Variants in SYT3 observed in about 807,000 individuals in gnomAD.
SYT3 encodes synaptotagmin-3.
SYT3 carries 25 observed loss-of-function variants against 50.6 expected under a neutral mutation model. The observed-to-expected ratio is 0.49, with a 90% CI of 0.36 to 0.69. The LOEUF is 0.69. Among genes scored for constraint, SYT3 ranks in the 30% least tolerant of loss-of-function variants. The probability of loss-of-function intolerance (pLI) is 0.00; values close to 1 mark genes in which losing one functional copy is unlikely to be tolerated. For missense variants in SYT3, 589 were observed against 793.6 expected (o/e 0.74, Z 3.10); for synonymous variants, 323 against 353.9 (o/e 0.91, Z 0.98).
the SYT3 span, chr19:50,656,006 TGAG>T: frequency 2.6e-6 from 4 of 1,525,156 alleles, no homozygotes; most frequent in South Asian, 2.4e-5. Context: ...GAATCATGGC[TGAG>T]GAGGGCTCAG....
rs1983866947 is a variant in SYT3, at chr19:50,622,010, G to A, written c.*475C>T. 8.8e-6 allele frequency: 1 copy of A among 113,466 alleles called. No homozygotes were observed. The highest frequency in any genetic ancestry group is 1.8e-5 in the Non-Finnish European group (1 of 56,756). The allele number at this position is 113,466 out of a possible 1,614,324, so 7.0% of individuals were successfully genotyped here. On this transcript the variant is annotated 3_prime_UTR_variant, in exon 11 of 11. Coordinates refer to ENST00000600079, the MANE Select transcript of SYT3 (RefSeq NM_001160329.2). ...AGACCCACAGAGTGTGTTTATTCTG[G>A]CGTTGATAGCAGCAGCAGTGGGGGG...
At position 50,628,681 on chromosome 19, in the gene SYT3, G is replaced by T. The variant is rs543309775; in HGVS notation, c.1281+613C>A. ...AAGTTAGGAAGGTAAGAAGTCTGGGGTGAGAGGGGAGAAGTCATGGGGTTG... is the reference window on the plus strand; with the variant it reads ...AAGTTAGGAAGGTAAGAAGTCTGGGTTGAGAGGGGAGAAGTCATGGGGTTG... On this transcript the variant is annotated intron_variant, in intron 6 of 10. Transcript: ENST00000600079. 8.2e-4 allele frequency among the ~76,000 whole-genome samples: 125 copies of T among 152,210 alleles called. 1 individual carries two copies. The highest frequency in any genetic ancestry group is 2.7e-3 in the African/African-American group (112 of 41,530).
chr19:50,656,419 G>C, the SYT3 span: 1 of 1,466,126 alleles, frequency 6.8e-7, no homozygotes, highest in Non-Finnish European at 9.0e-7. Context: ...CTGAGAAGCA[G>C]TGTGGCCAGA....
In SYT3 at chr19:50,632,918, T is replaced by A; in HGVS notation, c.149-107A>T. ...TTCATATTTGCCATGCAATTGTCCA[T>A]GCAATTGCAAGTGCCAGGCACTTTA... On this transcript the variant is annotated intron_variant, in intron 3 of 10. Coordinates refer to ENST00000600079, the MANE Select transcript of SYT3 (RefSeq NM_001160329.2). The surrounding 1 kb of genome is among the most constrained non-coding windows in gnomAD (Gnocchi z 4.7). 1 of 910,964 alleles carries A rather than the reference T, an allele frequency of 1.1e-6. No homozygotes were observed. Among genetic ancestry groups the A allele is most frequent in the Non-Finnish European group, 1.5e-6 (1 of 646,060 alleles). The allele number at this position is 910,964 out of a possible 1,614,324, so 56.4% of individuals were successfully genotyped here. A position where few individuals can be genotyped will look rare whatever the true frequency, so the allele number is the denominator to read the frequency against.
Position 50,625,777 on chromosome 19 carries a change from G to T in SYT3, c.1402+120C>A. 4 of 318,994 alleles carry T rather than the reference G, an allele frequency of 1.3e-5. 2 individuals carry two copies. Among genetic ancestry groups the T allele is most frequent in the Admixed American group, 1.6e-4 (2 of 12,268 alleles). 19.8% of individuals were successfully genotyped at this position (318,994 alleles called of 1,614,324 possible). A position where few individuals can be genotyped will look rare whatever the true frequency, so the allele number is the denominator to read the frequency against. ...CCTGGCCCCTCCTCCCTCAGACCCA[G>T]GAGTCCAGATCCCCAGCTCCTCCTC... On this transcript the variant is annotated intron_variant, in intron 7 of 10. Coordinates refer to ENST00000600079, the MANE Select transcript of SYT3 (RefSeq NM_001160329.2). This position sits in a 1 kb window ranked among gnomAD's most constrained non-coding sequence, Gnocchi z 7.5.
At chr19:50,656,349 G>A in the SYT3 span, 3 of 1,533,810 alleles carry the variant, frequency 2.0e-6, no homozygotes, top group South Asian at 1.2e-5. Context: ...AGACCTTGGT[G>A]AGTGGACCTG....
At chr19:50,657,864 CT>C in the SYT3 span, 8 of 1,285,816 alleles carry the variant, frequency 6.2e-6, no homozygotes, top group Admixed American at 9.3e-5. Context: ...AAGAGCGATC[CT>C]TGCCCCTCAA....
At chr19:50,645,240 C>A in the SYT3 span, among the ~76,000 whole-genome samples, 66 of 152,186 alleles carry the variant, frequency 4.3e-4, no homozygotes, top group African/African-American at 1.5e-3. Flanking sequence ...AGACTGGGCA[C>A]CAGGCCAGGA....
At position 50,629,330 on chromosome 19, in the gene SYT3, G is replaced by A. The variant is rs774702859; in HGVS notation, c.1245C>T (p.Asp415=). The change falls in exon 6 of 11, where the codon GAC becomes GAT. Residue 415 remains aspartate (D), a synonymous_variant. Coordinates refer to ENST00000600079, the MANE Select transcript of SYT3 (RefSeq NM_001160329.2). Reference sequence around the variant, plus strand: ...CCACGATGTCCCTCCAGAGCGGGCGGTCAGGGGGCTGCTCGGCCAGCTCCA... The same window carrying A: ...CCACGATGTCCCTCCAGAGCGGGCGATCAGGGGGCTGCTCGGCCAGCTCCA... ...NLLELAEQPP[D]RPLWRDIVEG... is the part of the protein sequence containing the mutation. 6.2e-6 allele frequency: 10 copies of A among 1,612,562 alleles called. No individual in the cohort carries two copies. In the Admixed American group the frequency reaches 1.7e-4, roughly 27 times the overall value.
Position 50,625,039 on chromosome 19 carries a change from A to T in SYT3, c.1707+123T>A, listed in dbSNP as rs891053857. ...GCCGCACAGCTAAAGTTGGCACAGC[A>T]GGGATTGAAACCTAGGACGCCTGGC... On this transcript the variant is annotated intron_variant, in intron 9 of 10. Coordinates refer to ENST00000600079, the MANE Select transcript of SYT3 (RefSeq NM_001160329.2). This position sits in a 1 kb window ranked among gnomAD's most constrained non-coding sequence, Gnocchi z 7.5. 6 of 1,100,398 alleles carry T rather than the reference A, an allele frequency of 5.5e-6. No homozygotes were observed. The Admixed American group carries it at 1.7e-4, about 32-fold the overall frequency. 68.2% of individuals were successfully genotyped at this position (1,100,398 alleles called of 1,614,324 possible).
chr19:50,654,758 T>C, the SYT3 span, among the ~76,000 whole-genome samples: 1 of 152,172 alleles, frequency 6.6e-6, no homozygotes, highest in African/African-American at 2.4e-5. Context: ...GCCTCCTCAG[T>C]AGCTGGGACT....
the SYT3 span, among the ~76,000 whole-genome samples, chr19:50,655,118 C>T: frequency 1.3e-5 from 2 of 152,202 alleles, no homozygotes; most frequent in Non-Finnish European, 2.9e-5. Context: ...AGCATGGTCA[C>T]ATGGCCACAC....
In SYT3 at chr19:50,629,351, C is replaced by T; in HGVS notation, c.1224G>A (p.Glu408=). ...IGQVVLDNLL[E]LAEQPPDRPL... is the part of the protein sequence containing the mutation. ...GGCGGTCAGGGGGCTGCTCGGCCAG[C>T]TCCAGGAGGTTGTCCAGCACCACCT... Residue 408 remains glutamate, a synonymous_variant, in exon 6 of 11, where the codon GAG becomes GAA. Coordinates refer to ENST00000600079, the MANE Select transcript of SYT3 (RefSeq NM_001160329.2). 1.2e-6 allele frequency: 2 copies of T among 1,613,588 alleles called. No individual in the cohort carries two copies. The highest frequency in any genetic ancestry group is 2.2e-5 in the South Asian group (2 of 90,986).
chr19:50,631,263 G>A (rs1459459281), intron 4 of SYT3, among the ~76,000 whole-genome samples: 2 of 148,988 alleles, frequency 1.3e-5, no homozygotes, highest in African/African-American at 5.0e-5. Flanking sequence ...AGATTCTCCC[G>A]TCTCAGCCTC....
chr19:50,630,918 C>T (rs1345887724), intron 4 of SYT3, among the ~76,000 whole-genome samples: 1 of 152,138 alleles, frequency 6.6e-6, no homozygotes, highest in Non-Finnish European at 1.5e-5. Flanking sequence ...GTCCTGGTCA[C>T]AGCTCAGGCC....
At chr19:50,634,869 C>A (rs947601320) in intron 3 of SYT3, among the ~76,000 whole-genome samples, 3 of 151,764 alleles carry the variant, frequency 2.0e-5, no homozygotes, top group African/African-American at 7.3e-5. Context: ...GCATGCACCA[C>A]CATGCCTGGC....
chr19:50,655,324 C>CAA, the SYT3 span, among the ~76,000 whole-genome samples: 364 of 152,188 alleles, frequency 2.4e-3, 3 homozygotes, highest in African/African-American at 8.4e-3. Context: ...TGTGAAGTTC[C>CAA]AATCAGGAGA....
chr19:50,625,494 C>T lies in SYT3; in HGVS notation c.1473G>A (p.Lys491=). 1.2e-6 allele frequency: 2 copies of T among 1,609,754 alleles called. No homozygotes were observed. Among genetic ancestry groups the T allele is most frequent in the East Asian group, 2.2e-5 (1 of 44,826 alleles). Residue 491 remains lysine (K), a synonymous_variant, in exon 8 of 11, where the codon AAG becomes AAA. Transcript: ENST00000600079. The surrounding 1 kb of genome is among the most constrained non-coding windows in gnomAD (Gnocchi z 7.5). ...RLKKRKTSIK[K]NTLNPTYNEA... is the part of the protein sequence containing the mutation. ...CATTATAGGTGGGGTTCAGCGTGTTCTTCTTGATGGAGGTTTTCCGCTTCT... is the reference window on the plus strand; with the variant it reads ...CATTATAGGTGGGGTTCAGCGTGTTTTTCTTGATGGAGGTTTTCCGCTTCT...
upstream of SYT3, among the ~76,000 whole-genome samples, chr19:50,641,109 T>G (rs942365455): frequency 6.7e-5 from 10 of 148,630 alleles, no homozygotes; most frequent in Non-Finnish European, 1.3e-4. Flanking sequence ...TGTGGTGGCG[T>G]GCACCTGTAG....
Sources: gnomAD v4.1 joint callset for allele counts (sites outside exome capture counted in the v4.1 genomes callset) on GRCh38, gnomAD v4.1.1 for gene constraint, Gnocchi (gnomAD v3.1) non-coding constraint, MANE v1.5 for transcripts, NCBI Gene and HGNC (gene_info 2026-07-23, HGNC 2026-07-21) for gene names.